EHBP1L1: variants seen among roughly 807,000 people sequenced by gnomAD.
EHBP1L1 encodes the protein EH domain binding protein 1 like 1, also known as EH domain-binding protein 1-like protein 1.
A neutral mutation model predicts 151.1 loss-of-function variants in EHBP1L1; 122 were observed. The observed-to-expected ratio is 0.81, with a 90% confidence interval of 0.70 to 0.94. The LOEUF is 0.94. Among genes scored for constraint, EHBP1L1 ranks in the 40% least tolerant of loss-of-function variants. The pLI is 0.00. For missense variants in EHBP1L1, 1,941 were observed against 1,959.8 expected, an observed-to-expected ratio of 0.99 and a Z score of 0.18; for synonymous variants, 878 against 810.1, an observed-to-expected ratio of 1.08 and a Z score of -1.42.
chr11:65,580,135 C>T lies in EHBP1L1; in HGVS notation c.367C>T (p.His123Tyr), dbSNP rs1359963143. The T allele has an allele frequency of 1.2e-6, 2 of 1,613,676 alleles. No individual in the cohort carries two copies. The highest frequency in any genetic ancestry group is 8.5e-7 in the Non-Finnish European group (1 of 1,179,838). Reference sequence around the variant, plus strand: ...CACGGCCGAGGTGGACCTGGCCCGCCATGCAGGGCCCGTGCCTGTCCAAGT... The same window carrying T: ...CACGGCCGAGGTGGACCTGGCCCGCTATGCAGGGCCCGTGCCTGTCCAAGT... ...LATAEVDLARHAGPVPVQVPV... is the reference protein window; with the variant it reads ...LATAEVDLARYAGPVPVQVPV... The change falls in exon 5 of 19, where the codon CAT becomes TAT. Residue 123 changes from histidine to tyrosine, a missense_variant. Transcript: ENST00000309295.
At chr11:65,586,114 C>T (rs1302232466) in intron 12 of EHBP1L1, among the ~76,000 whole-genome samples, 1 of 152,214 alleles carries the variant, frequency 6.6e-6, no homozygotes, top group African/African-American at 2.4e-5. Context: ...AGGACTCTGG[C>T]GTACATCTTT....
In EHBP1L1 at chr11:65,585,335, C is replaced by T. The variant is rs1174859508; in HGVS notation, c.3677C>T (p.Pro1226Leu). The change falls in exon 12 of 19, where the codon CCC becomes CTC. Residue 1226 changes from proline (P) to leucine (L), a missense_variant. Pro to Leu is a moderately conservative substitution (Grantham distance 98). Transcript: ENST00000309295. This position sits in a 1 kb window ranked among gnomAD's most constrained non-coding sequence, Gnocchi z 4.0. ...RASKDGGAEA[P>L]RESRPAEVPA... Reference sequence around the variant, plus strand: ...TCCAAGGACGGCGGGGCCGAGGCCCCCCGAGAGTCGCGACCCGCGGAGGTC... The same window carrying T: ...TCCAAGGACGGCGGGGCCGAGGCCCTCCGAGAGTCGCGACCCGCGGAGGTC... 3.6e-6 allele frequency: 4 copies of T among 1,112,062 alleles called. No individual in the cohort carries two copies. The highest frequency in any genetic ancestry group is 4.4e-6 in the Non-Finnish European group (4 of 911,172). The allele number at this position is 1,112,062 out of a possible 1,614,324, so 68.9% of individuals were successfully genotyped here.
In EHBP1L1 at chr11:65,582,303, C is replaced by T. The variant is rs780010026; in HGVS notation, c.1631C>T (p.Ala544Val). The T allele has an allele frequency of 8.5e-6, 13 of 1,531,954 alleles. No homozygotes were observed. The highest frequency in any genetic ancestry group is 1.1e-5 in the Non-Finnish European group (13 of 1,144,822). 94.9% of individuals were successfully genotyped at this position (1,531,954 alleles called of 1,614,324 possible). ...CCCCAGGTGAGCAGCTGGCAGGGGGCCCTGTTATCAACTGCCCAGGGGGCA... is the reference window on the plus strand; with the variant it reads ...CCCCAGGTGAGCAGCTGGCAGGGGGTCCTGTTATCAACTGCCCAGGGGGCA... The part of the protein sequence containing the change: ...TRPQVSSWQG[A>V]LLSTAQGAIS... Residue 544 changes from alanine to valine, a missense_variant, in exon 9 of 19, where the codon GCC becomes GTC. Ala to Val is a moderately conservative substitution (Grantham distance 64). Coordinates refer to ENST00000309295, the MANE Select transcript of EHBP1L1 (RefSeq NM_001099409.3).
At chr11:65,591,756 C>G in intron 16 of EHBP1L1, 44 bp from the exon 17 acceptor site, 1 of 1,468,230 alleles carries the variant, frequency 6.8e-7, no homozygotes, top group Non-Finnish European at 9.3e-7. Flanking sequence ...GCCCCTTTTC[C>G]TGAACTGCCA....
rs762619091 is a variant in EHBP1L1, at chr11:65,590,486, A to G, written c.4184-7A>G. 1.2e-6 allele frequency: 2 copies of G among 1,612,600 alleles called. No homozygotes were observed. Among genetic ancestry groups the G allele is most frequent in the Admixed American group, 3.3e-5 (2 of 59,956 alleles). ...GCAGGCCTGGTGACTGTCCCTGTCCAATGCAGGTGCCAACAAGCTGCAGGA... is the reference window on the plus strand; with the variant it reads ...GCAGGCCTGGTGACTGTCCCTGTCCGATGCAGGTGCCAACAAGCTGCAGGA... On this transcript the variant is annotated splice_polypyrimidine_tract_variant and splice_region_variant and intron_variant, in intron 15 of 18. Transcript: ENST00000309295.
At position 65,581,796 on chromosome 11, in the gene EHBP1L1, G is replaced by C. The variant is rs570312734; in HGVS notation, c.1124G>C (p.Arg375Thr). The C allele has an allele frequency of 6.2e-7, 1 of 1,613,464 alleles. No homozygotes were observed. The highest frequency in any genetic ancestry group is 2.2e-5 in the East Asian group (1 of 44,874). Residue 375 changes from arginine to threonine, a missense_variant, in exon 9 of 19, where the codon AGA becomes ACA. Physicochemically the swap from Arg to Thr is moderately conservative, Grantham distance 71. Transcript: ENST00000309295. ...TCTGGAGACCCTTTTGGAAGGCAGAGACTCAAGGCTGAAGAGATGGACACT... is the reference window on the plus strand; with the variant it reads ...TCTGGAGACCCTTTTGGAAGGCAGACACTCAAGGCTGAAGAGATGGACACT... The part of the protein sequence containing the change: ...KGSGDPFGRQ[R>T]LKAEEMDTED...
intron 16 of EHBP1L1, 23 bp from the exon 17 acceptor site, chr11:65,591,777 A>AC: frequency 2.2e-6 from 1 of 456,278 alleles, no homozygotes; most frequent in South Asian, 2.9e-5. Flanking sequence ...CCCCCCCGCC[A>AC]CCCACCCCCC....
intron 15 of EHBP1L1, 85 bp downstream of exon 15, chr11:65,590,295 G>T: frequency 1.9e-6 from 3 of 1,571,558 alleles, no homozygotes; most frequent in Non-Finnish European, 2.6e-6. Context: ...CTTGGGAGGA[G>T]CTGGGAGGAG....
rs763537126 is a variant in EHBP1L1 at position 65,592,029 on chromosome 11, C to T, written c.4411C>T (p.Leu1471=). 8 of 1,613,434 alleles carry T rather than the reference C, an allele frequency of 5.0e-6. No homozygotes were observed. Among genetic ancestry groups the T allele is most frequent in the Non-Finnish European group, 6.8e-6 (8 of 1,179,692 alleles). Residue 1471 remains leucine (L), a synonymous_variant, in exon 18 of 19, where the codon CTG becomes TTG. Coordinates refer to ENST00000309295, the MANE Select transcript of EHBP1L1 (RefSeq NM_001099409.3). ...CCGAGAGCAGCTCCTACTGGAGGAG[C>T]TGGTGTCGCTGGTGAACCAGCGCGA... ...QHREQLLLEE[L]VSLVNQRDEL...
intron 12 of EHBP1L1, among the ~76,000 whole-genome samples, chr11:65,586,752 A>G (rs1857984652): frequency 6.6e-6 from 1 of 152,240 alleles, no homozygotes; most frequent in African/African-American, 2.4e-5. Flanking sequence ...CCTGTGGAAG[A>G]TGTGATACGC....
In EHBP1L1 at chr11:65,579,973, C is replaced by T. The variant is rs1206236513; in HGVS notation, c.296C>T (p.Thr99Ile). Residue 99 changes from threonine (T) to isoleucine (I), a missense_variant, in exon 4 of 19, where the codon ACA (threonine) becomes ATA (isoleucine). Thr to Ile is a moderately conservative substitution (Grantham distance 89). Coordinates refer to ENST00000309295, the MANE Select transcript of EHBP1L1 (RefSeq NM_001099409.3). ...HVDQYEAKEW[T>I]FIIENESKGQ... Reference sequence around the variant, plus strand: ...GACCAGTATGAGGCCAAAGAGTGGACATTTATTATTGAAAATGTGAGTGTC... The same window carrying T: ...GACCAGTATGAGGCCAAAGAGTGGATATTTATTATTGAAAATGTGAGTGTC... The T allele has an allele frequency of 3.7e-6, 6 of 1,613,768 alleles. No homozygotes were observed. The African/African-American group carries it at 4.0e-5, about 11-fold the overall frequency.
rs374376678 is a variant in EHBP1L1, at chr11:65,585,621, C to T, written c.3933+30C>T. The T allele has an allele frequency of 4.5e-6, 7 of 1,544,632 alleles. No individual in the cohort carries two copies. The highest frequency in any genetic ancestry group is 6.1e-6 in the Non-Finnish European group (7 of 1,151,890). On this transcript the variant is annotated intron_variant, in intron 12 of 18. Coordinates refer to ENST00000309295, the MANE Select transcript of EHBP1L1 (RefSeq NM_001099409.3). The surrounding 1 kb of genome is among the most constrained non-coding windows in gnomAD (Gnocchi z 4.0). Reference sequence around the variant, plus strand: ...GTGTCAAGGTCCTTCTTTCTTCCCCCGCCGCAGCGCGGGGTCCCGGGAAGA... The same window carrying T: ...GTGTCAAGGTCCTTCTTTCTTCCCCTGCCGCAGCGCGGGGTCCCGGGAAGA...
At chr11:65,584,732 A>G (rs1260132570) in intron 11 of EHBP1L1, 198 bp downstream of exon 11, 9 of 1,010,326 alleles carry the variant, frequency 8.9e-6, no homozygotes, top group Non-Finnish European at 1.3e-5. Context: ...CCTCCCTTAG[A>G]TGGTTTTTCC....
In EHBP1L1 at chr11:65,581,094, A is replaced by C. The variant is rs746173277; in HGVS notation, c.671A>C (p.Glu224Ala). The change falls in exon 7 of 19, where the codon GAG (glutamate) becomes GCG (alanine). Residue 224 changes from glutamate (E) to alanine (A), a missense_variant. Glu to Ala is a moderately radical substitution (Grantham distance 107). Coordinates refer to ENST00000309295, the MANE Select transcript of EHBP1L1 (RefSeq NM_001099409.3). ...SRELKTLCEEEEEGQGRPQQA... is the reference protein window; with the variant it reads ...SRELKTLCEEAEEGQGRPQQA... The stretch of plus-strand genomic sequence containing the variant: ...GAGCTGAAGACGCTTTGTGAGGAGG[A>C]GGAGGAAGGCCAAGGACGACCCCAG... 6.2e-7 allele frequency: 1 copy of C among 1,612,588 alleles called. No individual in the cohort carries two copies. The highest frequency in any genetic ancestry group is 8.5e-7 in the Non-Finnish European group (1 of 1,179,536).
intron 15 of EHBP1L1, 50 bp downstream of exon 15, chr11:65,590,260 G>T (rs780134350): frequency 1.2e-6 from 2 of 1,603,014 alleles, no homozygotes; most frequent in East Asian, 2.2e-5. Context: ...CACTAGGTCT[G>T]TCCAGCCCTG....
At position 65,582,544 on chromosome 11, in the gene EHBP1L1, G is replaced by A; in HGVS notation, c.1872G>A (p.Gly624=). 6.2e-7 allele frequency: 1 copy of A among 1,613,464 alleles called. No individual in the cohort carries two copies. The highest frequency in any genetic ancestry group is 2.2e-5 in the East Asian group (1 of 44,882). The change falls in exon 9 of 19, where the codon GGG becomes GGA. Residue 624 remains glycine, a synonymous_variant. Transcript: ENST00000309295. ...RSRVLESEVA[G]TAQCEGLETQ... is the part of the protein sequence containing the mutation. ...GGGTCCTGGAGTCAGAGGTTGCTGG[G>A]ACAGCACAGTGTGAGGGACTGGAGA...
rs963735395 is a variant in EHBP1L1, at chr11:65,584,360, C to G, written c.3213C>G (p.Ala1071=). The G allele has an allele frequency of 6.2e-7, 1 of 1,610,302 alleles. No individual in the cohort carries two copies. The highest frequency in any genetic ancestry group is 1.7e-5 in the Admixed American group (1 of 59,706). ...NFTTSWRNGL[A]FCAILHRFYP... ...CCACATCCTGGCGCAACGGCTTGGC[C>G]TTCTGTGCCATCCTGCACCGATTCT... The change falls in exon 10 of 19, where the codon GCC becomes GCG. Residue 1071 remains alanine, a synonymous_variant. Coordinates refer to ENST00000309295, the MANE Select transcript of EHBP1L1 (RefSeq NM_001099409.3).
intron 3 of EHBP1L1, 69 bp downstream of exon 3, chr11:65,579,505 T>G: frequency 7.9e-7 from 1 of 1,258,506 alleles, no homozygotes; most frequent in Non-Finnish European, 1.1e-6. Flanking sequence ...GCAACACAGG[T>G]CTCCTGGTAG....
Position 65,576,885 on chromosome 11 carries a change from G to A in EHBP1L1, c.104+479G>A, listed in dbSNP as rs376842015. On this transcript the variant is annotated intron_variant, in intron 1 of 18. Transcript: ENST00000309295. The stretch of plus-strand genomic sequence containing the variant: ...AGCCAGAAGAACCCCTCCAACTCCC[G>A]CCTCTTCAGCCAGAGTGCTGGGAGG... 5.3e-5 allele frequency among the ~76,000 whole-genome samples: 8 copies of A among 152,182 alleles called. No homozygotes were observed. The East Asian group carries it at 9.7e-4, about 18-fold the overall frequency.
Sources: allele counts gnomAD v4.1 joint callset (sites outside exome capture counted in the v4.1 genomes callset), GRCh38; gene constraint gnomAD v4.1.1; non-coding constraint Gnocchi (gnomAD v3.1); transcripts MANE v1.5; gene names NCBI Gene and HGNC (gene_info 2026-07-23, HGNC 2026-07-21).